The following KIF27 variants were observed in gnomAD, a reference collection of about 807,000 sequenced individuals.
KIF27 encodes the protein kinesin-like protein KIF27.
A neutral mutation model predicts 141.8 loss-of-function variants in KIF27; 84 were observed. The ratio of observed to expected loss-of-function variants is 0.59; its 90% CI spans 0.50 to 0.71. The LOEUF is 0.71. KIF27 is among the 30% of genes least tolerant of loss of function. KIF27 has a pLI of 0.00. For missense variants in KIF27, 1,306 were observed against 1,628.4 expected (o/e 0.80, Z 3.41); for synonymous variants, 471 against 569.5 (o/e 0.83, Z 2.46).
At position 83,836,328 on chromosome 9, in the gene KIF27, T is replaced by C. The variant is rs1214017724; in HGVS notation, c.*673A>G. Among the ~76,000 whole-genome samples the C allele has an allele frequency of 3.3e-5, 5 of 152,150 alleles. No homozygotes were observed. The highest frequency in any genetic ancestry group is 1.3e-4 in the Admixed American group (2 of 15,258). On this transcript the variant is annotated 3_prime_UTR_variant, in exon 18 of 18. Transcript: ENST00000297814. ...AGTTTTAGTAACATAATGAGAGATA[T>C]ATTGAGTGTATAGAGCAGGAAAGAC...
rs780216959 is a variant in KIF27, at chr9:83,883,873, C to T, written c.2385G>A (p.Met795Ile). ...GAAACTCTTTCTGTAATTTTACCTT[C>T]ATTGCAACATCAGAAAGATCTTTGT... is the stretch of plus-strand genomic sequence containing the variant. ...LENKDLSDVA[M>I]KVKLQKEFRK... is the part of the protein sequence containing the mutation. Residue 795 changes from methionine (M) to isoleucine (I), a missense_variant, in exon 10 of 18, where the codon ATG (methionine) becomes ATA (isoleucine). Around this residue, in one of 4 missense-constraint regions of KIF27, gnomAD observed 596 missense variants for 751.6 expected, o/e 0.79. Transcript: ENST00000297814. The T allele has an allele frequency of 6.2e-7, 1 of 1,613,432 alleles. No homozygotes were observed. Among genetic ancestry groups the T allele is most frequent in the African/African-American group, 1.3e-5 (1 of 75,034 alleles).
intron 4 of KIF27, among the ~76,000 whole-genome samples, chr9:83,901,330 T>A (rs1481112641): frequency 1.3e-5 from 2 of 152,184 alleles, no homozygotes; most frequent in Admixed American, 1.3e-4. Flanking sequence ...TTCAAGTAAC[T>A]AGAAATTTCT....
intron 1 of KIF27, among the ~76,000 whole-genome samples, chr9:83,916,911 T>C (rs34690696): frequency 0.13 from 20,334 of 151,998 alleles, 1,447 homozygotes; most frequent in African/African-American, 0.14. Flanking sequence ...GATGCGCCTG[T>C]CTTGGCCTCC....
intron 5 of KIF27, among the ~76,000 whole-genome samples, chr9:83,891,874 G>C (rs1952715009): frequency 6.6e-6 from 1 of 152,202 alleles, no homozygotes; most frequent in Non-Finnish European, 1.5e-5. Context: ...TCAAAAAGTG[G>C]AGAAAGAATT....
chr9:83,854,068 G>A (rs111371543), intron 14 of KIF27, among the ~76,000 whole-genome samples: 21 of 152,150 alleles, frequency 1.4e-4, no homozygotes, highest in Admixed American at 1.3e-4. Flanking sequence ...TCATTAAGCC[G>A]TCACAATAAA....
intron 13 of KIF27, among the ~76,000 whole-genome samples, chr9:83,861,909 T>G (rs1043510253): frequency 6.6e-6 from 1 of 151,794 alleles, no homozygotes; most frequent in Non-Finnish European, 1.5e-5. Context: ...TGGTTTTGAT[T>G]TGCATTTCTC....
chr9:83,890,269 TG>T (rs1952543678), intron 6 of KIF27, among the ~76,000 whole-genome samples: 1 of 152,130 alleles, frequency 6.6e-6, no homozygotes, highest in Admixed American at 6.5e-5. Context: ...TTAGATCATC[TG>T]TCACATCAGC....
intron 3 of KIF27, among the ~76,000 whole-genome samples, chr9:83,906,202 T>C (rs1954509557): frequency 1.3e-5 from 2 of 152,226 alleles, no homozygotes; most frequent in Non-Finnish European, 2.9e-5. Flanking sequence ...CTGAATTATC[T>C]AATAAGACCA....
chr9:83,845,261 T>TTGG (rs1025551422), intron 16 of KIF27, among the ~76,000 whole-genome samples: 2 of 152,188 alleles, frequency 1.3e-5, no homozygotes, highest in African/African-American at 4.8e-5. Context: ...AACTGAACGT[T>TTGG]TGACTATGGG....
chr9:83,917,030 C>G (rs184277152), intron 1 of KIF27, among the ~76,000 whole-genome samples: 2 of 151,724 alleles, frequency 1.3e-5, no homozygotes, highest in Admixed American at 1.3e-4. Flanking sequence ...ATGTGCACAA[C>G]GTGCAGGTTT....
In KIF27 at chr9:83,834,172, A is replaced by C. The variant is rs1349898155; in HGVS notation, c.*2829T>G. 6.6e-6 allele frequency among the ~76,000 whole-genome samples: 1 copy of C among 152,168 alleles called. No homozygotes were observed. The highest frequency in any genetic ancestry group is 2.4e-5 in the African/African-American group (1 of 41,452). The stretch of plus-strand genomic sequence containing the variant: ...ATGAACGAAAAAAAGAAAACCACAA[A>C]CATTTTATATACATGCAAAAAGGCA... On this transcript the variant is annotated 3_prime_UTR_variant, in exon 18 of 18. Coordinates refer to ENST00000297814, the MANE Select transcript of KIF27 (RefSeq NM_017576.4).
In KIF27 at chr9:83,867,062, G is replaced by T. The variant is rs192554574; in HGVS notation, c.2934+622C>A. On this transcript the variant is annotated intron_variant, in intron 13 of 17. Transcript: ENST00000297814. ...CTAGTTTTTGTCTCTGGACAGAAAT[G>T]GAATTGCCCATTCTGGAGACTTGAT... 8.8e-3 allele frequency among the ~76,000 whole-genome samples: 1,326 copies of T among 150,058 alleles called. 21 individuals are homozygous for T. Among genetic ancestry groups the T allele is most frequent in the African/African-American group, 0.032 (1,287 of 40,632 alleles).
intron 17 of KIF27, among the ~76,000 whole-genome samples, chr9:83,838,269 T>C (rs1424395214): frequency 3.3e-5 from 5 of 151,914 alleles, no homozygotes; most frequent in Middle Eastern, 3.2e-3. Flanking sequence ...AGTCTCGCTC[T>C]GTCGCCCAGG....
In KIF27 at chr9:83,880,196, T is replaced by C. The variant is rs201742678; in HGVS notation, c.2643+101A>G. The C allele has an allele frequency of 4.4e-4, 679 of 1,548,266 alleles. 4 individuals are homozygous for C. Among genetic ancestry groups the C allele is most frequent in the Middle Eastern group, 6.7e-4 (4 of 5,942 alleles). On this transcript the variant is annotated intron_variant, in intron 11 of 17. Transcript: ENST00000297814. ...ACAGCAGTGAAGGGCAGGTCAAGGA[T>C]AGATACTTCACAAGCCAACTGAATG...
rs1425175132 is a variant in KIF27 at position 83,853,738 on chromosome 9, A to T, written c.3248T>A (p.Leu1083His). 6.2e-7 allele frequency: 1 copy of T among 1,613,868 alleles called. No homozygotes were observed. The highest frequency in any genetic ancestry group is 1.7e-5 in the Admixed American group (1 of 60,016). The change falls in exon 15 of 18, where the codon CTT (leucine) becomes CAT (histidine). Residue 1083 changes from leucine (L) to histidine (H), a missense_variant. By Grantham distance (99) the Leu-to-His change is moderately conservative. Coordinates refer to ENST00000297814, the MANE Select transcript of KIF27 (RefSeq NM_017576.4). ...AGAGAGGTTATGGAATGATGCTCTA[A>T]GTGACTTCTGGCGATTCTGGATACT... ...NESIQNRQKS[L>H]RASFHNLSRG...
chr9:83,857,368 A>C (rs1949348896), intron 14 of KIF27, among the ~76,000 whole-genome samples: 1 of 152,142 alleles, frequency 6.6e-6, no homozygotes. Flanking sequence ...CCTTGGCTTT[A>C]AAATCGTGAT....
At chr9:83,864,502 C>G (rs1048315790) in intron 13 of KIF27, among the ~76,000 whole-genome samples, 4 of 152,164 alleles carry the variant, frequency 2.6e-5, no homozygotes, top group African/African-American at 9.7e-5. Flanking sequence ...GTTTCTTAAT[C>G]CTGAGTTCTA....
In KIF27 at chr9:83,836,280, A is replaced by C. The variant is rs1365197826; in HGVS notation, c.*721T>G. On this transcript the variant is annotated 3_prime_UTR_variant, in exon 18 of 18. Coordinates refer to ENST00000297814, the MANE Select transcript of KIF27 (RefSeq NM_017576.4). ...TTTTATTCTATAATTTCCGTGTTCCATGGAACAGCATTCATTTCTCCCAGT... is the reference window on the plus strand; with the variant it reads ...TTTTATTCTATAATTTCCGTGTTCCCTGGAACAGCATTCATTTCTCCCAGT... 6.6e-6 allele frequency among the ~76,000 whole-genome samples: 1 copy of C among 152,150 alleles called. No homozygotes were observed. The highest frequency in any genetic ancestry group is 1.9e-4 in the East Asian group (1 of 5,192).
chr9:83,904,757 G>A (rs1343221890), intron 3 of KIF27, among the ~76,000 whole-genome samples: 1 of 151,938 alleles, frequency 6.6e-6, no homozygotes, highest in Non-Finnish European at 1.5e-5. Context: ...TCAATTAAAA[G>A]GCATTCGTTT....
Sources: gnomAD v4.1 joint callset for allele counts (sites outside exome capture counted in the v4.1 genomes callset) on GRCh38, gnomAD v4.1.1 for gene constraint, gnomAD v4.1.1 regional missense constraint, MANE v1.5 for transcripts, NCBI Gene and HGNC (gene_info 2026-07-23, HGNC 2026-07-21) for gene names.